The following HFM1 variants were observed in gnomAD, a reference collection of about 807,000 sequenced individuals.
HFM1 encodes probable ATP-dependent DNA helicase HFM1.
Under a neutral mutation model 192.1 loss-of-function variants are expected in HFM1, and 169 were observed. The observed-to-expected ratio is 0.88, with a 90% confidence interval of 0.78 to 1.00. HFM1 has a LOEUF of 1.00. Ranked by LOEUF, HFM1 falls within the 50% of genes least tolerant of loss-of-function variation. The pLI is 0.00. For synonymous variants in HFM1, 525 were observed against 537.8 expected, an observed-to-expected ratio of 0.98 and a Z score of 0.33; for missense variants, 1,661 against 1,668.0, an observed-to-expected ratio of 1.00 and a Z score of 0.07.
chr1:91,398,858 A>G (rs746154754), intron 2 of HFM1, among the ~76,000 whole-genome samples: 7 of 151,918 alleles, frequency 4.6e-5, no homozygotes, highest in Non-Finnish European at 1.0e-4. Flanking sequence ...ATGTCTGGCT[A>G]ATTTTTGTAT....
chr1:91,388,673 T>C (rs1263125169), intron 4 of HFM1, among the ~76,000 whole-genome samples: 9 of 152,078 alleles, frequency 5.9e-5, no homozygotes. Context: ...TAAGAGTAAA[T>C]CTTCATGACC....
chr1:91,327,854 G>A (rs1443756064), intron 20 of HFM1, among the ~76,000 whole-genome samples: 3 of 152,092 alleles, frequency 2.0e-5, no homozygotes, highest in Non-Finnish European at 4.4e-5. Flanking sequence ...TTAAACAACA[G>A]GCTCCTAAAT....
chr1:91,345,545 G>A (rs192261455), intron 19 of HFM1, among the ~76,000 whole-genome samples: 64 of 152,266 alleles, frequency 4.2e-4, no homozygotes, highest in African/African-American at 1.5e-3. Flanking sequence ...CATATACTAT[G>A]CTAAGGATCC....
At chr1:91,383,386 A>G (rs1424190354) in intron 6 of HFM1, among the ~76,000 whole-genome samples, 2 of 152,170 alleles carry the variant, frequency 1.3e-5, no homozygotes, top group Admixed American at 6.5e-5. Context: ...AGAAAAGAAA[A>G]TGTGGCAGCA....
intron 13 of HFM1, among the ~76,000 whole-genome samples, chr1:91,360,721 C>T (rs1184812671): frequency 5.3e-5 from 8 of 152,170 alleles, no homozygotes; most frequent in Admixed American, 1.3e-4. Context: ...GAACTCTCCA[C>T]TCAAATTCAA....
intron 13 of HFM1, among the ~76,000 whole-genome samples, chr1:91,354,718 C>T (rs898347404): frequency 2.0e-5 from 3 of 151,978 alleles, no homozygotes; most frequent in Non-Finnish European, 2.9e-5. Context: ...GACAATATTG[C>T]CAGTAAACAA....
At position 91,273,880 on chromosome 1, in the gene HFM1, T is replaced by C; in HGVS notation, c.3669-65A>G. On this transcript the variant is annotated intron_variant, in intron 33 of 38. Coordinates refer to ENST00000370425, the MANE Select transcript of HFM1 (RefSeq NM_001017975.6). ...TGGAAATTAATCTAAGCCTGAAAAC[T>C]ATTTATTCATATAAACAAAAATAAT... The C allele has an allele frequency of 3.6e-6, 3 of 844,850 alleles. 1 individual carries two copies. In the South Asian group the frequency reaches 4.9e-5, roughly 14 times the overall value. The allele number at this position is 844,850 out of a possible 1,614,324, so 52.3% of individuals were successfully genotyped here.
intron 13 of HFM1, among the ~76,000 whole-genome samples, chr1:91,368,306 A>G (rs918164010): frequency 3.9e-5 from 6 of 152,206 alleles, no homozygotes; most frequent in African/African-American, 1.4e-4. Flanking sequence ...CAGATTCACC[A>G]AAGTTGAAAT....
rs762338817 is a variant in HFM1 at position 91,261,322 on chromosome 1, A to C, written c.4276T>G (p.Ser1426Ala). The C allele has an allele frequency of 1.4e-6, 2 of 1,421,210 alleles. No individual in the cohort carries two copies. The highest frequency in any genetic ancestry group is 1.9e-6 in the Non-Finnish European group (2 of 1,074,362). 88.0% of individuals were successfully genotyped at this position (1,421,210 alleles called of 1,614,324 possible). A position where few individuals can be genotyped will look rare whatever the true frequency, so the allele number is the denominator to read the frequency against. Reference sequence around the variant, plus strand: ...ATACCATCAAATATTCCCAATAAAGACTTCATTTCATCAGCTTCATCATCA... The same window carrying C: ...ATACCATCAAATATTCCCAATAAAGCCTTCATTTCATCAGCTTCATCATCA... ...HPDDEADEMK[S>A]LLGIFDGIF Residue 1426 changes from serine (S) to alanine (A), a missense_variant, in exon 39 of 39, where the codon TCT becomes GCT. Coordinates refer to ENST00000370425, the MANE Select transcript of HFM1 (RefSeq NM_001017975.6).
At chr1:91,369,460 C>T (rs1571140261) in intron 13 of HFM1, among the ~76,000 whole-genome samples, 1 of 152,160 alleles carries the variant, frequency 6.6e-6, no homozygotes, top group Non-Finnish European at 1.5e-5. Context: ...CAAAACCGCT[C>T]AACTACATGG....
chr1:91,269,675 G>A (rs577108600), intron 34 of HFM1, among the ~76,000 whole-genome samples: 2 of 152,258 alleles, frequency 1.3e-5, no homozygotes, highest in African/African-American at 2.4e-5. Flanking sequence ...AACCTGCAAT[G>A]GAAGTAAGAC....
intron 3 of HFM1, 112 bp from the exon 4 acceptor site, chr1:91,394,514 A>G (rs1478599294): frequency 3.1e-6 from 2 of 644,992 alleles, no homozygotes; most frequent in Non-Finnish European, 5.3e-6. Flanking sequence ...AGCCAAAAGC[A>G]AAGCACTAGT....
At chr1:91,393,134 C>T (rs1020680580) in intron 4 of HFM1, among the ~76,000 whole-genome samples, 3 of 152,074 alleles carry the variant, frequency 2.0e-5, no homozygotes, top group Non-Finnish European at 4.4e-5. Context: ...CTTAATAAAG[C>T]TGTTATTACA....
At chr1:91,325,349 C>G (rs1243035263) in intron 20 of HFM1, among the ~76,000 whole-genome samples, 1 of 152,176 alleles carries the variant, frequency 6.6e-6, no homozygotes, top group Non-Finnish European at 1.5e-5. Flanking sequence ...AGTGAAAGGC[C>G]TTGGGAAGGC....
chr1:91,347,266 T>A (rs1044752426), intron 19 of HFM1, among the ~76,000 whole-genome samples, 163 bp downstream of exon 19: 1 of 152,230 alleles, frequency 6.6e-6, no homozygotes, highest in Non-Finnish European at 1.5e-5. Context: ...AAAGTATATA[T>A]GCCAAGCTTT....
intron 13 of HFM1, among the ~76,000 whole-genome samples, chr1:91,374,939 G>A (rs1660723429): frequency 6.6e-6 from 1 of 152,120 alleles, no homozygotes; most frequent in African/African-American, 2.4e-5. Flanking sequence ...GGTAGAAGAG[G>A]TGAAAAGGGG....
intron 4 of HFM1, among the ~76,000 whole-genome samples, chr1:91,386,726 A>C (rs367573715): frequency 2.0e-5 from 3 of 152,168 alleles, no homozygotes; most frequent in Admixed American, 1.3e-4. Flanking sequence ...ATTTAACTGA[A>C]GTGATTCAAG....
At chr1:91,373,174 G>C (rs1660466801) in intron 13 of HFM1, among the ~76,000 whole-genome samples, 1 of 150,590 alleles carries the variant, frequency 6.6e-6, no homozygotes, top group Non-Finnish European at 1.5e-5. Flanking sequence ...ATGTAAAGAA[G>C]ACTAAATTGG....
At chr1:91,392,321 G>A (rs181683425) in intron 4 of HFM1, among the ~76,000 whole-genome samples, 88 of 152,184 alleles carry the variant, frequency 5.8e-4, no homozygotes, top group African/African-American at 1.1e-3. Context: ...GGCACTATTC[G>A]CAATAGCAAA....
Sources: allele counts gnomAD v4.1 joint callset (sites outside exome capture counted in the v4.1 genomes callset), GRCh38; gene constraint gnomAD v4.1.1; transcripts MANE v1.5; gene names NCBI Gene and HGNC (gene_info 2026-07-23, HGNC 2026-07-21).